ARRB1: variants seen among roughly 807,000 people sequenced by gnomAD.
ARRB1 encodes the protein arrestin beta 1.
A neutral mutation model predicts 56.8 loss-of-function variants in ARRB1; 21 were observed. The ratio of observed to expected loss-of-function variants is 0.37; its 90% CI spans 0.26 to 0.53. The LOEUF (loss-of-function observed/expected upper bound fraction) is 0.53. Among genes scored for constraint, ARRB1 ranks in the 20% least tolerant of loss-of-function variants. The pLI is 0.88. For missense variants in ARRB1, 424 were observed against 553.7 expected (o/e 0.77, Z 2.35); for synonymous variants, 210 against 218.6 (o/e 0.96, Z 0.35).
chr11:75,310,120 C>T lies in ARRB1; in HGVS notation c.21-20081G>A, dbSNP rs1317774162. Among the ~76,000 whole-genome samples the T allele has an allele frequency of 9.2e-5, 14 of 152,120 alleles. No individual in the cohort carries two copies. In the East Asian group the frequency reaches 9.6e-4, roughly 10 times the overall value. ...TGATCCCAAACCTCGGGGAGAACTGCGCAAATGGAAATCGATGTGGGGAGC... is the reference window on the plus strand; with the variant it reads ...TGATCCCAAACCTCGGGGAGAACTGTGCAAATGGAAATCGATGTGGGGAGC... On this transcript the variant is annotated intron_variant, in intron 1 of 15. Transcript: ENST00000420843.
At chr11:75,330,913 C>G (rs1050292584) in intron 1 of ARRB1, among the ~76,000 whole-genome samples, 1 of 152,228 alleles carries the variant, frequency 6.6e-6, no homozygotes. Flanking sequence ...GCCATTCATT[C>G]AACAAAAATA....
At chr11:75,322,084 G>T (rs753691928) in intron 1 of ARRB1, among the ~76,000 whole-genome samples, 1 of 152,234 alleles carries the variant, frequency 6.6e-6, no homozygotes, top group South Asian at 2.1e-4. Context: ...GGCTCCAAGA[G>T]CCCAGGATGG....
At chr11:75,311,197 G>A (rs547794970) in intron 1 of ARRB1, among the ~76,000 whole-genome samples, 2 of 152,270 alleles carry the variant, frequency 1.3e-5, no homozygotes, top group Middle Eastern at 3.4e-3. Flanking sequence ...TTAGCCTGGC[G>A]TGGTGGCACA....
chr11:75,287,176 A>T, intron 3 of ARRB1, 139 bp downstream of exon 3: 1 of 838,112 alleles, frequency 1.2e-6, no homozygotes, highest in Non-Finnish European at 1.8e-6. Context: ...GCTGCTCAGT[A>T]AATGCTTGCT....
intron 1 of ARRB1, among the ~76,000 whole-genome samples, chr11:75,335,817 T>C (rs902671940): frequency 6.6e-6 from 1 of 152,154 alleles, no homozygotes; most frequent in Non-Finnish European, 1.5e-5. Flanking sequence ...GTTTACCAAA[T>C]GTTCCCACAT....
At chr11:75,347,371 A>T (rs1947786625) in intron 1 of ARRB1, among the ~76,000 whole-genome samples, 1 of 152,184 alleles carries the variant, frequency 6.6e-6, no homozygotes, top group Admixed American at 6.5e-5. Context: ...CAAAGTTCAC[A>T]GAGAGCTGGT....
chr11:75,282,093 A>G, intron 5 of ARRB1, 72 bp from the exon 6 acceptor site: 1 of 1,512,100 alleles, frequency 6.6e-7, no homozygotes, highest in Non-Finnish European at 9.2e-7. Flanking sequence ...TGCAGCCCAG[A>G]CACTCCCATA....
At position 75,325,433 on chromosome 11, in the gene ARRB1, T is replaced by C. The variant is rs895705550; in HGVS notation, c.20+26155A>G. ...GCCTCCTGGGTTCAAGCGATTCTCGTGCCTCAGCCTCCTGAGTAGCTGGGA... is the reference window on the plus strand; with the variant it reads ...GCCTCCTGGGTTCAAGCGATTCTCGCGCCTCAGCCTCCTGAGTAGCTGGGA... On this transcript the variant is annotated intron_variant, in intron 1 of 15. Coordinates refer to ENST00000420843, the MANE Select transcript of ARRB1 (RefSeq NM_004041.5). Among the ~76,000 whole-genome samples, 5 of 152,332 alleles carry C rather than the reference T, an allele frequency of 3.3e-5. No homozygotes were observed. The South Asian group carries it at 1.0e-3, about 32-fold the overall frequency.
At chr11:75,283,242 A>AG (rs1946389425) in intron 5 of ARRB1, 45 bp downstream of exon 5, 1 of 1,552,720 alleles carries the variant, frequency 6.4e-7, no homozygotes, top group African/African-American at 1.4e-5. Flanking sequence ...GGCTTCCTAG[A>AG]GGTGGCATTT....
intron 1 of ARRB1, among the ~76,000 whole-genome samples, chr11:75,348,284 A>T (rs977006700): frequency 6.6e-6 from 1 of 152,140 alleles, no homozygotes; most frequent in Non-Finnish European, 1.5e-5. Flanking sequence ...TGGCCTATTC[A>T]TCCTTCCAGA....
intron 1 of ARRB1, among the ~76,000 whole-genome samples, chr11:75,299,512 A>G (rs1228688870): frequency 6.6e-6 from 1 of 151,880 alleles, no homozygotes; most frequent in Non-Finnish European, 1.5e-5. Context: ...GCTTTGATGT[A>G]AGAGTCTCTG....
Position 75,264,884 on chromosome 11 carries a change from C to T in ARRB1, c.*1279G>A, listed in dbSNP as rs1202810438. The T allele has an allele frequency of 6.6e-6, 1 of 152,366 alleles. No individual in the cohort carries two copies. Among genetic ancestry groups the T allele is most frequent in the African/African-American group, 2.4e-5 (1 of 41,450 alleles). The allele number at this position is 152,366 out of a possible 1,614,324, so 9.4% of individuals were successfully genotyped here. On this transcript the variant is annotated 3_prime_UTR_variant, in exon 16 of 16. Coordinates refer to ENST00000420843, the MANE Select transcript of ARRB1 (RefSeq NM_004041.5). ...TAACACTTTCTATCTCATCTCCCAT[C>T]TGGCTTCTTGCCCCAGGAACTGCCC...
At chr11:75,272,419 C>T (rs1946091910) in intron 12 of ARRB1, among the ~76,000 whole-genome samples, 1 of 152,220 alleles carries the variant, frequency 6.6e-6, no homozygotes, top group Admixed American at 6.5e-5. Flanking sequence ...GCCTCTGTTT[C>T]ACCATCTGTA....
At chr11:75,315,099 C>T (rs887135272) in intron 1 of ARRB1, among the ~76,000 whole-genome samples, 3 of 152,182 alleles carry the variant, frequency 2.0e-5, no homozygotes, top group Non-Finnish European at 4.4e-5. Context: ...GGAGATCACC[C>T]GCTGTAGTGA....
chr11:75,263,620 G>T lies in ARRB1; in HGVS notation c.*2543C>A, dbSNP rs1396269376. On this transcript the variant is annotated 3_prime_UTR_variant, in exon 16 of 16. Coordinates refer to ENST00000420843, the MANE Select transcript of ARRB1 (RefSeq NM_004041.5). Reference sequence around the variant, plus strand: ...GACCATGGGCTTCCTGAGGACAGGGGCTGGGACTGACCCATCTCTGTGGCT... The same window carrying T: ...GACCATGGGCTTCCTGAGGACAGGGTCTGGGACTGACCCATCTCTGTGGCT... Among the ~76,000 whole-genome samples the T allele has an allele frequency of 6.6e-6, 1 of 152,198 alleles. No homozygotes were observed. Among genetic ancestry groups the T allele is most frequent in the Non-Finnish European group, 1.5e-5 (1 of 68,046 alleles).
At chr11:75,283,926 C>T (rs1403358885) in intron 4 of ARRB1, among the ~76,000 whole-genome samples, 2 of 152,148 alleles carry the variant, frequency 1.3e-5, no homozygotes, top group Non-Finnish European at 2.9e-5. Flanking sequence ...TCTTCCTGCG[C>T]ATTGATACTG....
At chr11:75,268,510 C>CAAAAAAAAAAAAAAA (rs61409833) in intron 14 of ARRB1, among the ~76,000 whole-genome samples, 34 of 61,346 alleles carry the variant, frequency 5.5e-4, no homozygotes, top group Non-Finnish European at 7.8e-4. Flanking sequence ...GTCTCAAAAC[C>CAAAAAAAAAAAAAAA]AAAAAAAAAA....
rs765811192 is a variant in ARRB1 at position 75,272,896 on chromosome 11, C to T, written c.997G>A (p.Gly333Ser). The T allele has an allele frequency of 1.1e-5, 17 of 1,613,892 alleles. No homozygotes were observed. The highest frequency in any genetic ancestry group is 5.3e-5 in the African/African-American group (4 of 74,902). Residue 333 changes from glycine (G) to serine (S), a missense_variant and splice_region_variant, in exon 12 of 16, where the codon GGC becomes AGC. By Grantham distance (56) the Gly-to-Ser change is moderately conservative. Coordinates refer to ENST00000420843, the MANE Select transcript of ARRB1 (RefSeq NM_004041.5). ...CTTGGGCTTGGCTGGAGCACTCACC[C>T]GCCCCGAGACACCACCAGCTTCACT... ...VKVKLVVSRGGLLGDLASSDV... is the reference protein window; with the variant it reads ...VKVKLVVSRGSLLGDLASSDV...
chr11:75,348,117 G>A (rs549184751), intron 1 of ARRB1, among the ~76,000 whole-genome samples: 1 of 152,312 alleles, frequency 6.6e-6, no homozygotes, highest in Non-Finnish European at 1.5e-5. Context: ...TCCTTAGCCT[G>A]ACATTCCCAG....
Sources: gnomAD v4.1 joint callset for allele counts (sites outside exome capture counted in the v4.1 genomes callset) on GRCh38, gnomAD v4.1.1 for gene constraint, MANE v1.5 for transcripts, NCBI Gene and HGNC (gene_info 2026-07-23, HGNC 2026-07-21) for gene names.